CHAT: variants seen among roughly 807,000 people sequenced by gnomAD.
CHAT encodes the protein choline O-acetyltransferase.
In CHAT, 61 loss-of-function variants were observed where a neutral mutation model predicts 76.9. The observed-to-expected ratio is 0.79, with a 90% CI of 0.65 to 0.98. The LOEUF (loss-of-function observed/expected upper bound fraction) is 0.98. CHAT is among the 50% of genes least tolerant of loss of function. The pLI, the probability that CHAT is intolerant of heterozygous loss-of-function variation, is 0.00. For missense variants in CHAT, 946 were observed against 986.9 expected, an observed-to-expected ratio of 0.96 and a Z score of 0.56; for synonymous variants, 407 against 397.4, an observed-to-expected ratio of 1.02 and a Z score of -0.29.
At chr10:49,617,614 C>T (rs1373063215) in intron 2 of CHAT, among the ~76,000 whole-genome samples, 1 of 152,208 alleles carries the variant, frequency 6.6e-6, no homozygotes, top group Admixed American at 6.5e-5. Flanking sequence ...AGCGCACTGT[C>T]AGAGCCTGGA....
Position 49,646,602 on chromosome 10 carries a change from G to T in CHAT, c.1209G>T (p.Arg403Ser). ...GCGTGGAGCTCAGCGACACCCACAG[G>T]GCACTCCAGCTCCTTCACGGCGGAG... Reference protein sequence around the residue: ...PGGVELSDTHRALQLLHGGGY... With the variant: ...PGGVELSDTHSALQLLHGGGY... Residue 403 changes from arginine to serine, a missense_variant, in exon 8 of 15, where the codon AGG (arginine) becomes AGT (serine). Coordinates refer to ENST00000337653, the MANE Select transcript of CHAT (RefSeq NM_020549.5). The T allele has an allele frequency of 6.2e-7, 1 of 1,614,204 alleles. No homozygotes were observed.
At chr10:49,633,018 G>A (rs1011128701) in intron 7 of CHAT, among the ~76,000 whole-genome samples, 10 of 152,210 alleles carry the variant, frequency 6.6e-5, no homozygotes, top group Non-Finnish European at 1.3e-4. Context: ...CAAAGCACCA[G>A]GATACACAGG....
chr10:49,633,433 T>C (rs756812676), intron 7 of CHAT, among the ~76,000 whole-genome samples: 2 of 152,162 alleles, frequency 1.3e-5, no homozygotes, highest in Non-Finnish European at 2.9e-5. Context: ...GAAGAGGCTA[T>C]GTCTGTCTCC....
intron 4 of CHAT, 116 bp from the exon 5 acceptor site, chr10:49,621,981 G>GGGACGAGGAAGGAGATGGAA: frequency 8.7e-7 from 1 of 1,155,132 alleles, no homozygotes. Flanking sequence ...GGAGAAGGGA[G>GGGACGAGGAAGGAGATGGAA]GGAAGAGGAA....
intron 5 of CHAT, among the ~76,000 whole-genome samples, chr10:49,624,956 A>T (rs1172637740): frequency 6.6e-6 from 1 of 151,860 alleles, no homozygotes; most frequent in African/African-American, 2.4e-5. Flanking sequence ...AGATGTATGG[A>T]TATATGGATG....
chr10:49,618,816 C>G (rs10857518), intron 2 of CHAT, among the ~76,000 whole-genome samples: 28,649 of 152,144 alleles, frequency 0.19, 5,363 homozygotes, highest in East Asian at 0.62. Flanking sequence ...TTGGGAATTC[C>G]TCTGGAAGTA....
At chr10:49,663,263 T>G (rs1241691011) in intron 14 of CHAT, among the ~76,000 whole-genome samples, 1 of 152,058 alleles carries the variant, frequency 6.6e-6, no homozygotes, top group African/African-American at 2.4e-5. Context: ...AGGTTTCCCA[T>G]CTCCTAAATG....
intron 11 of CHAT, 89 bp from the exon 12 acceptor site, chr10:49,655,006 A>G (rs1184123750): frequency 4.3e-6 from 6 of 1,388,100 alleles, no homozygotes; most frequent in East Asian, 4.6e-5. Flanking sequence ...GGCTGTGAAA[A>G]TAAAGCTTGC....
intron 14 of CHAT, among the ~76,000 whole-genome samples, chr10:49,664,534 C>G (rs1342971603): frequency 6.6e-6 from 1 of 152,216 alleles, no homozygotes; most frequent in Non-Finnish European, 1.5e-5. Context: ...CCGGGAGCTT[C>G]CAACTCCACA....
At chr10:49,637,419 C>T (rs1309714336) in intron 7 of CHAT, 1 of 152,158 alleles carries the variant, frequency 6.6e-6, no homozygotes, top group African/African-American at 2.4e-5. Flanking sequence ...GAATTGTAAT[C>T]CCCACATGTC....
chr10:49,655,525 A>G (rs1840008992), intron 13 of CHAT, 77 bp downstream of exon 13: 1 of 1,364,066 alleles, frequency 7.3e-7, no homozygotes. Flanking sequence ...ACCACGGCAT[A>G]AGACCCTGTG....
chr10:49,643,639 C>A (rs541873760), intron 7 of CHAT, among the ~76,000 whole-genome samples: 2 of 152,280 alleles, frequency 1.3e-5, no homozygotes, highest in South Asian at 4.1e-4. Context: ...CTCACCCTAC[C>A]CCCACTCCCC....
intron 5 of CHAT, 117 bp from the exon 6 acceptor site, chr10:49,625,356 G>C: frequency 1.1e-6 from 1 of 908,928 alleles, no homozygotes; most frequent in East Asian, 2.6e-5. Flanking sequence ...TGATGATGCA[G>C]TTCTGGGTTC....
chr10:49,611,822 C>T, upstream of CHAT: 2 of 1,603,890 alleles, frequency 1.2e-6, no homozygotes, highest in Admixed American at 3.3e-5. Flanking sequence ...CTGTACGGCG[C>T]GCTTGGGCTG....
intron 11 of CHAT, 57 bp downstream of exon 11, chr10:49,652,063 G>A (rs192939771): frequency 1.6e-4 from 251 of 1,612,560 alleles, no homozygotes; most frequent in Admixed American, 3.7e-4. Flanking sequence ...CAGTGCTGTA[G>A]GATCTAGGGT....
chr10:49,657,764 A>C lies in CHAT; in HGVS notation c.1839+2316A>C, dbSNP rs112156729. ...AGATTAGAAGATTTCTCTGTGGTAA[A>C]ATTGACCAAGCCAAGAGAGAACACT... On this transcript the variant is annotated intron_variant, in intron 13 of 14. Transcript: ENST00000337653. Among the ~76,000 whole-genome samples, 305 of 152,296 alleles carry C rather than the reference A, an allele frequency of 2.0e-3. 1 individual carries two copies. The highest frequency in any genetic ancestry group is 6.7e-3 in the African/African-American group (280 of 41,548).
intron 8 of CHAT, 23 bp downstream of exon 8, chr10:49,646,697 C>A (rs1394408743): frequency 1.2e-6 from 2 of 1,611,656 alleles, no homozygotes; most frequent in African/African-American, 1.3e-5. Flanking sequence ...GGTGGCCCTG[C>A]AAGAGCACAG....
At chr10:49,656,400 T>A (rs764610159) in intron 13 of CHAT, among the ~76,000 whole-genome samples, 1 of 150,602 alleles carries the variant, frequency 6.6e-6, no homozygotes, top group African/African-American at 2.4e-5. Context: ...GGTTACCATG[T>A]AGTTGGGAGA....
At chr10:49,625,246 A>G (rs1176182397) in intron 5 of CHAT, among the ~76,000 whole-genome samples, 1 of 152,194 alleles carries the variant, frequency 6.6e-6, no homozygotes, top group East Asian at 1.9e-4. Context: ...CATGCCGTGC[A>G]TGAGGCAGAG....
Sources: gnomAD v4.1 joint callset for allele counts (sites outside exome capture counted in the v4.1 genomes callset) on GRCh38, gnomAD v4.1.1 for gene constraint, MANE v1.5 for transcripts, NCBI Gene and HGNC (gene_info 2026-07-23, HGNC 2026-07-21) for gene names.